Variants in ERO1B observed in about 807,000 individuals in gnomAD.
ERO1B encodes the protein endoplasmic reticulum oxidoreductase 1 beta.
A neutral mutation model predicts 75.3 loss-of-function variants in ERO1B; 49 were observed. That is an observed-to-expected ratio of 0.65 (90% CI 0.52 to 0.83). The LOEUF (loss-of-function observed/expected upper bound fraction) is 0.83, where lower values mean the gene tolerates loss of function less well. Among genes scored for constraint, ERO1B ranks in the 40% least tolerant of loss-of-function variants. The pLI, the probability that ERO1B is intolerant of heterozygous loss-of-function variation, is 0.00. For synonymous variants in ERO1B, 191 were observed against 192.9 expected (o/e 0.99, Z 0.08); for missense variants, 512 against 560.1 (o/e 0.91, Z 0.87).
intron 2 of ERO1B, among the ~76,000 whole-genome samples, chr1:236,254,042 A>T (rs1474597765): frequency 1.3e-5 from 2 of 152,230 alleles, no homozygotes; most frequent in Non-Finnish European, 2.9e-5. Flanking sequence ...CATTTGGATA[A>T]GGCAATAAAA....
At chr1:236,250,572 C>A (rs774928053) in intron 4 of ERO1B, among the ~76,000 whole-genome samples, 1 of 86,416 alleles carries the variant, frequency 1.2e-5, no homozygotes, top group African/African-American at 4.2e-5. Context: ...TAAATTTGAC[C>A]ATATATATAT....
intron 15 of ERO1B, among the ~76,000 whole-genome samples, chr1:236,219,491 C>T (rs1388086532): frequency 6.6e-6 from 1 of 152,146 alleles, no homozygotes; most frequent in Non-Finnish European, 1.5e-5. Flanking sequence ...TCATCTTTCT[C>T]AATTTAATTT....
At chr1:236,230,616 A>C (rs1269810838) in intron 9 of ERO1B, among the ~76,000 whole-genome samples, 1 of 129,728 alleles carries the variant, frequency 7.7e-6, no homozygotes, top group Non-Finnish European at 1.6e-5. Context: ...TGTCTCAAAA[A>C]AAAAAAAAAA....
intron 5 of ERO1B, among the ~76,000 whole-genome samples, chr1:236,243,864 AAATTT>A (rs1440959359): frequency 2.0e-5 from 3 of 152,158 alleles, no homozygotes; most frequent in Non-Finnish European, 4.4e-5. Context: ...CGAAGTAATT[AAATTT>A]ATTTTCAGAA....
rs372734815 is a variant in ERO1B, at chr1:236,225,057, G to C, written c.1122+13C>G. 3 of 1,613,106 alleles carry C rather than the reference G, an allele frequency of 1.9e-6. No individual in the cohort carries two copies. Among genetic ancestry groups the C allele is most frequent in the Non-Finnish European group, 2.5e-6 (3 of 1,179,264 alleles). On this transcript the variant is annotated intron_variant, in intron 13 of 15. Coordinates refer to ENST00000354619, the MANE Select transcript of ERO1B (RefSeq NM_019891.4). ...CTGCTCCCAACCCCGTGTCCCAATC[G>C]AGAACTTTTTACCTTTAGTGACTTG... is the stretch of plus-strand genomic sequence containing the variant.
At chr1:236,227,842 A>T (rs1259221161) in intron 10 of ERO1B, among the ~76,000 whole-genome samples, 1 of 152,214 alleles carries the variant, frequency 6.6e-6, no homozygotes, top group Non-Finnish European at 1.5e-5. Context: ...CCTAATTGGG[A>T]ATTCTTGCTA....
chr1:236,251,982 C>G (rs1426201433), intron 4 of ERO1B, 68 bp downstream of exon 4: 2 of 1,168,604 alleles, frequency 1.7e-6, no homozygotes, highest in Non-Finnish European at 2.5e-6. Context: ...ACTACAGCCA[C>G]TGTCAGTCAG....
intron 2 of ERO1B, among the ~76,000 whole-genome samples, chr1:236,254,133 G>A (rs1481035935): frequency 6.6e-6 from 1 of 152,162 alleles, no homozygotes; most frequent in Non-Finnish European, 1.5e-5. Context: ...AGAGAACGAG[G>A]ATGGAGGTAA....
At chr1:236,272,303 C>T (rs1572069981) in intron 1 of ERO1B, among the ~76,000 whole-genome samples, 2 of 152,058 alleles carry the variant, frequency 1.3e-5, no homozygotes, top group Admixed American at 6.6e-5. Context: ...GCAATCATCA[C>T]GTAGTCAAGT....
intron 2 of ERO1B, among the ~76,000 whole-genome samples, chr1:236,258,766 G>A (rs765615563): frequency 3.9e-5 from 6 of 152,122 alleles, no homozygotes; most frequent in Non-Finnish European, 7.4e-5. Context: ...GTGTGCACCT[G>A]TAATCCCAGC....
At chr1:236,270,318 C>T (rs1665562536) in intron 1 of ERO1B, among the ~76,000 whole-genome samples, 1 of 152,168 alleles carries the variant, frequency 6.6e-6, no homozygotes, top group South Asian at 2.1e-4. Flanking sequence ...CTAGAAGTTA[C>T]AGACTGTAAT....
chr1:236,279,572 T>G (rs1255439584), intron 1 of ERO1B, among the ~76,000 whole-genome samples: 1 of 147,956 alleles, frequency 6.8e-6, no homozygotes, highest in Non-Finnish European at 1.5e-5. Context: ...CTCACGCCTG[T>G]AATCCCAGCA....
chr1:236,221,776 T>TATTAA, intron 14 of ERO1B, 148 bp downstream of exon 14: 23 of 631,088 alleles, frequency 3.6e-5, no homozygotes, highest in Non-Finnish European at 5.3e-5. Flanking sequence ...TATACTTTAA[T>TATTAA]TTTTTCATCA....
intron 5 of ERO1B, among the ~76,000 whole-genome samples, chr1:236,244,272 G>T (rs1664785190): frequency 2.6e-5 from 4 of 152,236 alleles, no homozygotes; most frequent in African/African-American, 9.6e-5. Flanking sequence ...TAAAAATCAG[G>T]TAATTCCTAA....
chr1:236,265,792 A>G (rs1445462893), intron 2 of ERO1B, among the ~76,000 whole-genome samples: 3 of 152,146 alleles, frequency 2.0e-5, no homozygotes, highest in South Asian at 2.1e-4. Flanking sequence ...CTTTCTGCCT[A>G]TTCAACACAC....
chr1:236,250,041 C>T, intron 4 of ERO1B, 74 bp from the exon 5 acceptor site: 3 of 958,942 alleles, frequency 3.1e-6, no homozygotes, highest in Non-Finnish European at 4.7e-6. Context: ...GCAGAATAAT[C>T]AATCTGTCAA....
intron 1 of ERO1B, among the ~76,000 whole-genome samples, chr1:236,271,666 TATATA>T (rs1349415077): frequency 6.7e-6 from 1 of 148,190 alleles, no homozygotes; most frequent in Non-Finnish European, 1.5e-5. Flanking sequence ...TTGTTTTTTA[TATATA>T]ATATATAATT....
At chr1:236,247,204 C>T (rs1322411553) in intron 5 of ERO1B, among the ~76,000 whole-genome samples, 1 of 152,162 alleles carries the variant, frequency 6.6e-6, no homozygotes, top group Non-Finnish European at 1.5e-5. Context: ...AGACCTCTCC[C>T]CTATTTCAGA....
At chr1:236,239,474 T>C (rs1353856595) in intron 6 of ERO1B, among the ~76,000 whole-genome samples, 2 of 152,122 alleles carry the variant, frequency 1.3e-5, no homozygotes, top group Admixed American at 6.6e-5. Flanking sequence ...AAGAATTTCA[T>C]GGGACATCCA....
Sources: allele counts gnomAD v4.1 joint callset (sites outside exome capture counted in the v4.1 genomes callset), GRCh38; gene constraint gnomAD v4.1.1; transcripts MANE v1.5; gene names NCBI Gene and HGNC (gene_info 2026-07-23, HGNC 2026-07-21).